PRKN: variants seen among roughly 807,000 people sequenced by gnomAD.
PRKN encodes parkin RBR E3 ubiquitin protein ligase.
Under a neutral mutation model 59.5 loss-of-function variants are expected in PRKN, and 56 were observed. The ratio of observed to expected loss-of-function variants is 0.94; its 90% CI spans 0.76 to 1.18. The LOEUF is 1.18. PRKN is among the 50% of genes most tolerant of loss of function. The pLI, the probability that PRKN is intolerant of heterozygous loss-of-function variation, is 0.00. For synonymous variants in PRKN, 250 were observed against 222.1 expected (o/e 1.13, Z -1.12); for missense variants, 657 against 596.4 (o/e 1.10, Z -1.06).
At chr6:162,555,500 C>T (rs1483295942) in intron 1 of PRKN, among the ~76,000 whole-genome samples, 2 of 152,066 alleles carry the variant, frequency 1.3e-5, no homozygotes, top group Non-Finnish European at 2.9e-5. Flanking sequence ...TATTGCTTTT[C>T]ATCAGTAATA....
At chr6:161,757,871 C>G (rs12182252) in intron 7 of PRKN, among the ~76,000 whole-genome samples, 39,245 of 97,696 alleles carry the variant, frequency 0.4, 9,547 homozygotes, top group South Asian at 0.53. Flanking sequence ...CTCTCTCTCT[C>G]TGTGTATATA....
chr6:162,528,537 G>C (rs926830112), intron 1 of PRKN, among the ~76,000 whole-genome samples: 1 of 152,090 alleles, frequency 6.6e-6, no homozygotes, highest in African/African-American at 2.4e-5. Flanking sequence ...TTGAAGGTTA[G>C]TATTGTCTTA....
intron 6 of PRKN, among the ~76,000 whole-genome samples, chr6:161,832,641 A>G (rs1258459448): frequency 6.6e-6 from 1 of 151,694 alleles, no homozygotes; most frequent in East Asian, 1.9e-4. Context: ...AAAAAAAAAA[A>G]AAAGATCAAT....
At chr6:161,852,086 C>CAAAAA (rs33977899) in intron 6 of PRKN, among the ~76,000 whole-genome samples, 10 of 121,576 alleles carry the variant, frequency 8.2e-5, no homozygotes, top group African/African-American at 2.8e-4. Context: ...GACTCCGTCT[C>CAAAAA]AAAAAAAAAA....
intron 3 of PRKN, among the ~76,000 whole-genome samples, chr6:162,246,459 C>A (rs529812023): frequency 8.5e-5 from 13 of 152,122 alleles, no homozygotes; most frequent in African/African-American, 3.1e-4. Context: ...ATGACATATA[C>A]AAATGGAATA....
intron 2 of PRKN, among the ~76,000 whole-genome samples, chr6:162,334,159 G>A (rs1321891238): frequency 3.3e-5 from 5 of 152,202 alleles, no homozygotes; most frequent in Non-Finnish European, 5.9e-5. Flanking sequence ...GTAAAAATGC[G>A]AGGTGAAGCA....
intron 1 of PRKN, chr6:162,727,353 C>G: frequency 2.9e-6 from 1 of 344,794 alleles, no homozygotes; most frequent in Non-Finnish European, 5.1e-6. Context: ...TTCGGGACCC[C>G]ACACGGTCCG....
At chr6:162,161,583 G>C (rs905731314) in intron 4 of PRKN, among the ~76,000 whole-genome samples, 1 of 152,130 alleles carries the variant, frequency 6.6e-6, no homozygotes, top group African/African-American at 2.4e-5. Flanking sequence ...TTTGTCCGGC[G>C]TATCCACCCT....
chr6:162,334,465 C>A (rs2128125784), intron 2 of PRKN, among the ~76,000 whole-genome samples: 1 of 152,242 alleles, frequency 6.6e-6, no homozygotes, highest in Non-Finnish European at 1.5e-5. Context: ...GGAAAAACAG[C>A]CTATATGCCA....
At chr6:161,626,991 C>A (rs1783115773) in intron 7 of PRKN, among the ~76,000 whole-genome samples, 1 of 152,168 alleles carries the variant, frequency 6.6e-6, no homozygotes, top group Admixed American at 6.5e-5. Context: ...AACCTAAGCT[C>A]TTAAGAGAAT....
At chr6:162,717,456 C>T (rs1262992016) in intron 1 of PRKN, among the ~76,000 whole-genome samples, 1 of 151,612 alleles carries the variant, frequency 6.6e-6, no homozygotes, top group Non-Finnish European at 1.5e-5. Flanking sequence ...GGTTGGCATG[C>T]ACCTATAGTC....
chr6:162,437,944 T>A (rs903715003), intron 2 of PRKN, among the ~76,000 whole-genome samples: 4 of 152,204 alleles, frequency 2.6e-5, no homozygotes, highest in Non-Finnish European at 5.9e-5. Context: ...GATAAATAAC[T>A]AAGAGTATAA....
chr6:162,727,523 G>A (rs1042482259), intron 1 of PRKN, 139 bp downstream of exon 1: 17 of 959,282 alleles, frequency 1.8e-5, no homozygotes, highest in Admixed American at 2.5e-5. Context: ...CCGGCGGCGC[G>A]GGCCGGGGAC....
At chr6:162,678,542 A>T (rs1034948479) in intron 1 of PRKN, among the ~76,000 whole-genome samples, 2 of 152,178 alleles carry the variant, frequency 1.3e-5, no homozygotes, top group Non-Finnish European at 2.9e-5. Flanking sequence ...TTCCCCAATG[A>T]CTAATAATGT....
In PRKN at chr6:161,402,961, A is replaced by T. The variant is rs1299893834; in HGVS notation, c.1084-16084T>A. Among the ~76,000 whole-genome samples, 8 of 152,134 alleles carry T rather than the reference A, an allele frequency of 5.3e-5. 1 individual carries two copies. The highest frequency in any genetic ancestry group is 1.2e-4 in the Non-Finnish European group (8 of 68,030). On this transcript the variant is annotated intron_variant, in intron 9 of 11. Transcript: ENST00000366898. This position sits in a 1 kb window ranked among gnomAD's most constrained non-coding sequence, Gnocchi z 4.5. ...GATTCACGACAACTGAGATCCATCA[A>T]TTGTATTTGCAGAGAAGCTAGTTCA...
At chr6:162,183,711 C>T (rs930320847) in intron 4 of PRKN, among the ~76,000 whole-genome samples, 1 of 152,146 alleles carries the variant, frequency 6.6e-6, no homozygotes, top group African/African-American at 2.4e-5. Context: ...CAAGGCAAGG[C>T]CTGTCTGATT....
chr6:162,217,987 AG>A (rs1213982058), intron 3 of PRKN, among the ~76,000 whole-genome samples: 1 of 152,162 alleles, frequency 6.6e-6, no homozygotes, highest in Non-Finnish European at 1.5e-5. Context: ...CAGGTGGTTT[AG>A]GGTGCGATTG....
intron 2 of PRKN, among the ~76,000 whole-genome samples, chr6:162,317,547 G>A (rs941778225): frequency 7.2e-5 from 11 of 152,032 alleles, no homozygotes; most frequent in African/African-American, 2.4e-4. Context: ...TAGAAATTAA[G>A]TTTGTACTGT....
intron 7 of PRKN, among the ~76,000 whole-genome samples, chr6:161,737,460 A>G (rs1209627603): frequency 6.6e-6 from 1 of 152,242 alleles, no homozygotes; most frequent in Non-Finnish European, 1.5e-5. Context: ...AGCTTTAACA[A>G]GGGAAATAAA....
Sources: gnomAD v4.1 joint callset for allele counts (sites outside exome capture counted in the v4.1 genomes callset) on GRCh38, gnomAD v4.1.1 for gene constraint, Gnocchi (gnomAD v3.1) non-coding constraint, MANE v1.5 for transcripts, NCBI Gene and HGNC (gene_info 2026-07-23, HGNC 2026-07-21) for gene names.